The following GRIK3 variants were observed in gnomAD, a reference collection of about 807,000 sequenced individuals.
GRIK3 encodes glutamate receptor ionotropic, kainate 3.
A neutral mutation model predicts 102.5 loss-of-function variants in GRIK3; 29 were observed. That is an observed-to-expected ratio of 0.28 (90% CI 0.21 to 0.39). GRIK3 has a LOEUF of 0.39. Ranked by LOEUF, GRIK3 falls within the 10% of genes least tolerant of loss-of-function variation. The probability of loss-of-function intolerance (pLI) is 1.00; values close to 1 mark genes in which losing one functional copy is unlikely to be tolerated. For synonymous variants in GRIK3, 511 were observed against 504.9 expected (o/e 1.01, Z -0.16); for missense variants, 908 against 1,252.4 (o/e 0.73, Z 4.15).
intron 1 of GRIK3, among the ~76,000 whole-genome samples, chr1:36,935,314 G>T (rs775651368): frequency 6.6e-6 from 1 of 152,154 alleles, no homozygotes; most frequent in Non-Finnish European, 1.5e-5. Flanking sequence ...TGGGTCCCTG[G>T]ATATGCAATC....
chr1:36,904,419 C>T (rs1330659879), intron 1 of GRIK3, among the ~76,000 whole-genome samples: 1 of 152,164 alleles, frequency 6.6e-6, no homozygotes, highest in African/African-American at 2.4e-5. Flanking sequence ...CTGCAGTGAA[C>T]ATGTGTTACA....
chr1:36,851,596 A>G (rs116181129), intron 8 of GRIK3, among the ~76,000 whole-genome samples: 32 of 152,352 alleles, frequency 2.1e-4, no homozygotes, highest in African/African-American at 7.7e-4. Flanking sequence ...TTGAGCTCCA[A>G]CTGCATGCTC....
chr1:36,832,508 A>G (rs914204834), intron 10 of GRIK3, among the ~76,000 whole-genome samples: 11 of 152,172 alleles, frequency 7.2e-5, no homozygotes, highest in Non-Finnish European at 4.4e-5. Flanking sequence ...AGGGTCCACA[A>G]ATTTGAACAG....
intron 5 of GRIK3, among the ~76,000 whole-genome samples, chr1:36,868,362 G>A (rs565374): frequency 0.84 from 127,590 of 152,178 alleles, 54,798 homozygotes; most frequent in Non-Finnish European, 0.93. Flanking sequence ...GATCTCATTC[G>A]CCAGCTTCCA....
At chr1:36,907,864 G>C (rs887082850) in intron 1 of GRIK3, among the ~76,000 whole-genome samples, 2 of 152,130 alleles carry the variant, frequency 1.3e-5, no homozygotes, top group African/African-American at 4.8e-5. Context: ...TTGAATTTTG[G>C]TTCCACTCAC....
intron 1 of GRIK3, among the ~76,000 whole-genome samples, chr1:36,967,211 G>A (rs575196401): frequency 1.3e-5 from 2 of 152,178 alleles, no homozygotes; most frequent in Non-Finnish European, 2.9e-5. Flanking sequence ...AGCCTTTCTG[G>A]TCCTCACTTC....
At chr1:36,868,834 G>A (rs1008953432) in intron 5 of GRIK3, among the ~76,000 whole-genome samples, 1 of 152,162 alleles carries the variant, frequency 6.6e-6, no homozygotes, top group African/African-American at 2.4e-5. Flanking sequence ...CCTTCCACCA[G>A]ACCCTCAGAA....
At chr1:36,840,450 T>C (rs893804034) in intron 10 of GRIK3, among the ~76,000 whole-genome samples, 2 of 150,202 alleles carry the variant, frequency 1.3e-5, no homozygotes, top group African/African-American at 2.5e-5. Context: ...TGGTGGCTCA[T>C]GCCTGTAATC....
chr1:36,976,074 T>A (rs551063141), intron 1 of GRIK3, among the ~76,000 whole-genome samples: 1 of 152,300 alleles, frequency 6.6e-6, no homozygotes, highest in East Asian at 1.9e-4. Context: ...ACCTGTGATG[T>A]GTTCTGGAAG....
chr1:36,909,525 T>G (rs1188293205), intron 1 of GRIK3, among the ~76,000 whole-genome samples: 1 of 152,188 alleles, frequency 6.6e-6, no homozygotes, highest in Non-Finnish European at 1.5e-5. Flanking sequence ...GATTTCGAAC[T>G]CTTGACCTCA....
At chr1:37,021,279 T>C (rs1477713549) in intron 1 of GRIK3, among the ~76,000 whole-genome samples, 2 of 151,980 alleles carry the variant, frequency 1.3e-5, no homozygotes, top group Admixed American at 6.6e-5. Context: ...GTCTTCAGCA[T>C]CCCAACCCGT....
chr1:36,998,382 C>T (rs1642441324), intron 1 of GRIK3, among the ~76,000 whole-genome samples: 1 of 152,204 alleles, frequency 6.6e-6, no homozygotes, highest in Admixed American at 6.5e-5. Context: ...GGGCTTGTAA[C>T]TTAGCATTGC....
intron 1 of GRIK3, among the ~76,000 whole-genome samples, chr1:36,967,527 C>T (rs1267187141): frequency 6.6e-6 from 1 of 152,178 alleles, no homozygotes; most frequent in Non-Finnish European, 1.5e-5. Context: ...GAACCACAGC[C>T]TATGGTCTGG....
Position 36,830,447 on chromosome 1 carries a change from C to T in GRIK3, c.1531-4621G>A, listed in dbSNP as rs149796170. Among the ~76,000 whole-genome samples the T allele has an allele frequency of 5.4e-3, 818 of 151,578 alleles. 5 individuals are homozygous for T. The highest frequency in any genetic ancestry group is 9.0e-3 in the Non-Finnish European group (611 of 67,880). The stretch of plus-strand genomic sequence containing the variant: ...GAAATAAGGTTTTTGCAGATGAAAT[C>T]GAGTTAAAATGAAGTTATACTGAAT... On this transcript the variant is annotated intron_variant, in intron 10 of 15. Transcript: ENST00000373091.
At position 36,940,830 on chromosome 1, in the gene GRIK3, C is replaced by T. The variant is rs534646884; in HGVS notation, c.116-49734G>A. ...AGAAGCTTCTGGAGAGAATCAGCCA[C>T]ATCCCCAGCACAAGGGAGCACCACT... On this transcript the variant is annotated intron_variant, in intron 1 of 15. Transcript: ENST00000373091. Among the ~76,000 whole-genome samples, 6 of 152,356 alleles carry T rather than the reference C, an allele frequency of 3.9e-5. No homozygotes were observed. The East Asian group carries it at 9.6e-4, about 24-fold the overall frequency.
At chr1:36,866,525 T>C (rs1193340600) in intron 5 of GRIK3, among the ~76,000 whole-genome samples, 2 of 152,226 alleles carry the variant, frequency 1.3e-5, no homozygotes, top group African/African-American at 4.8e-5. Flanking sequence ...ATGGGGTATG[T>C]TGAGCACACA....
chr1:36,812,745 C>T (rs1026076664), intron 13 of GRIK3, among the ~76,000 whole-genome samples: 1 of 152,076 alleles, frequency 6.6e-6, no homozygotes, highest in African/African-American at 2.4e-5. Context: ...GGTTCCCTCC[C>T]TTGTGAGTTC....
In GRIK3 at chr1:36,797,720, G is replaced by A. The variant is rs536218622; in HGVS notation, c.*4131C>T. ...CAGAGAGGCCAGCCTACTTTCAGATGTTTGTGCATGTAGCTGGGAGTGGCT... is the reference window on the plus strand; with the variant it reads ...CAGAGAGGCCAGCCTACTTTCAGATATTTGTGCATGTAGCTGGGAGTGGCT... On this transcript the variant is annotated 3_prime_UTR_variant, in exon 16 of 16. Coordinates refer to ENST00000373091, the MANE Select transcript of GRIK3 (RefSeq NM_000831.4). 1 of 152,416 alleles carries A rather than the reference G, an allele frequency of 6.6e-6. No homozygotes were observed. Among genetic ancestry groups the A allele is most frequent in the South Asian group, 2.1e-4 (1 of 4,834 alleles). 9.4% of individuals were successfully genotyped at this position (152,416 alleles called of 1,614,324 possible). A position where few individuals can be genotyped will look rare whatever the true frequency, so the allele number is the denominator to read the frequency against.
intron 1 of GRIK3, among the ~76,000 whole-genome samples, chr1:36,895,482 T>C (rs541206807): frequency 6.6e-6 from 1 of 151,960 alleles, no homozygotes; most frequent in South Asian, 2.1e-4. Flanking sequence ...AACGAAATAC[T>C]GTAACAGAAA....
Sources: gnomAD v4.1 joint callset for allele counts (sites outside exome capture counted in the v4.1 genomes callset) on GRCh38, gnomAD v4.1.1 for gene constraint, MANE v1.5 for transcripts, NCBI Gene and HGNC (gene_info 2026-07-23, HGNC 2026-07-21) for gene names.